ANGPT1: variants seen among roughly 807,000 people sequenced by gnomAD.
ANGPT1 encodes angiopoietin 1, also known as angiopoietin-1.
A neutral mutation model predicts 62.2 loss-of-function variants in ANGPT1; 17 were observed. The ratio of observed to expected loss-of-function variants is 0.27; its 90% CI spans 0.19 to 0.41. The LOEUF (loss-of-function observed/expected upper bound fraction) is 0.41, where lower values mean the gene tolerates loss of function less well. Ranked by LOEUF, ANGPT1 falls within the 10% of genes least tolerant of loss-of-function variation. The pLI is 1.00. For synonymous variants in ANGPT1, 199 were observed against 198.9 expected (o/e 1.00, Z 0.00); for missense variants, 478 against 594.9 (o/e 0.80, Z 2.04).
intron 1 of ANGPT1, among the ~76,000 whole-genome samples, chr8:107,441,562 G>C (rs1430649240): frequency 6.6e-6 from 1 of 152,178 alleles, no homozygotes; most frequent in Non-Finnish European, 1.5e-5. Flanking sequence ...CAGCTCAGGA[G>C]TCGGACAGAT....
At chr8:107,290,896 A>C (rs1240618739) in intron 6 of ANGPT1, among the ~76,000 whole-genome samples, 3 of 152,242 alleles carry the variant, frequency 2.0e-5, no homozygotes, top group Non-Finnish European at 4.4e-5. Context: ...ACATGAATTG[A>C]TTCCATACTT....
intron 1 of ANGPT1, among the ~76,000 whole-genome samples, chr8:107,474,608 T>A (rs1451552972): frequency 6.6e-6 from 1 of 152,072 alleles, no homozygotes; most frequent in Admixed American, 6.6e-5. Flanking sequence ...GAGAAAGAAA[T>A]AAAGGGTATT....
intron 1 of ANGPT1, among the ~76,000 whole-genome samples, chr8:107,487,384 G>A (rs1179009824): frequency 6.6e-6 from 1 of 152,082 alleles, no homozygotes; most frequent in Non-Finnish European, 1.5e-5. Context: ...CGTGCAGAAT[G>A]AGCAAAGTGG....
intron 1 of ANGPT1, among the ~76,000 whole-genome samples, chr8:107,476,483 G>A (rs1317027637): frequency 2.0e-5 from 3 of 152,206 alleles, no homozygotes; most frequent in Middle Eastern, 6.8e-3. Context: ...TATACCTAAT[G>A]TAAATGATGA....
chr8:107,403,023 A>C (rs923710272), intron 1 of ANGPT1, among the ~76,000 whole-genome samples: 1 of 152,190 alleles, frequency 6.6e-6, no homozygotes, highest in African/African-American at 2.4e-5. Flanking sequence ...TAACTTGATT[A>C]AAGTGGATCA....
intron 1 of ANGPT1, among the ~76,000 whole-genome samples, chr8:107,484,070 T>C (rs951222975): frequency 6.6e-6 from 1 of 152,160 alleles, no homozygotes; most frequent in Non-Finnish European, 1.5e-5. Context: ...TATGGATAGA[T>C]TCTCCAAAAA....
At chr8:107,257,896 T>TTTTTGACTG in intron 8 of ANGPT1, among the ~76,000 whole-genome samples, 1 of 102,224 alleles carries the variant, frequency 9.8e-6, no homozygotes, top group African/African-American at 3.4e-5. Flanking sequence ...TGTTTGTTTG[T>TTTTTGACTG]TTGTTTGTTT....
intron 1 of ANGPT1, among the ~76,000 whole-genome samples, chr8:107,463,002 T>A (rs1812110145): frequency 6.6e-6 from 1 of 152,154 alleles, no homozygotes. Context: ...ATTCACATAC[T>A]GTGTAATCCC....
intron 5 of ANGPT1, among the ~76,000 whole-genome samples, chr8:107,299,055 G>A (rs577500034): frequency 2.5e-4 from 38 of 151,614 alleles, no homozygotes; most frequent in South Asian, 1.2e-3. Context: ...TGAGAATGAG[G>A]TGGGTTATAA....
At chr8:107,408,016 G>A (rs1342654625) in intron 1 of ANGPT1, among the ~76,000 whole-genome samples, 1 of 152,112 alleles carries the variant, frequency 6.6e-6, no homozygotes, top group African/African-American at 2.4e-5. Context: ...GTAAGCACTG[G>A]CATATAGTCC....
chr8:107,493,608 C>A (rs527729883), intron 1 of ANGPT1, among the ~76,000 whole-genome samples: 1 of 150,306 alleles, frequency 6.7e-6, no homozygotes, highest in African/African-American at 2.5e-5. Context: ...GTGTATACCT[C>A]GAATAAAATG....
chr8:107,474,079 TC>T (rs1394492193), intron 1 of ANGPT1, among the ~76,000 whole-genome samples: 35 of 152,084 alleles, frequency 2.3e-4, no homozygotes, highest in African/African-American at 8.0e-4. Context: ...CCAAAGTAAC[TC>T]ATTTCATGAC....
At chr8:107,480,298 C>CT in intron 1 of ANGPT1, among the ~76,000 whole-genome samples, 1 of 152,112 alleles carries the variant, frequency 6.6e-6, no homozygotes, top group Non-Finnish European at 1.5e-5. Context: ...TGAACAGGAT[C>CT]TAGTTTGAGG....
intron 1 of ANGPT1, among the ~76,000 whole-genome samples, chr8:107,428,782 T>C (rs1048679542): frequency 6.6e-6 from 1 of 152,164 alleles, no homozygotes; most frequent in Non-Finnish European, 1.5e-5. Context: ...CCATTTGTTA[T>C]TTTGACCTCT....
At chr8:107,417,038 C>T (rs1810769890) in intron 1 of ANGPT1, among the ~76,000 whole-genome samples, 1 of 152,072 alleles carries the variant, frequency 6.6e-6, no homozygotes, top group African/African-American at 2.4e-5. Flanking sequence ...ATCCGCCCAC[C>T]TCAACCTCCC....
At chr8:107,428,403 C>A (rs947187492) in intron 1 of ANGPT1, among the ~76,000 whole-genome samples, 1 of 152,118 alleles carries the variant, frequency 6.6e-6, no homozygotes, top group African/African-American at 2.4e-5. Flanking sequence ...TTTAATGCAA[C>A]AATAGACTTT....
intron 7 of ANGPT1, among the ~76,000 whole-genome samples, chr8:107,271,871 G>T (rs1586175823): frequency 1.4e-5 from 2 of 146,612 alleles, no homozygotes; most frequent in Admixed American, 1.4e-4. Flanking sequence ...ATATTTGTTT[G>T]GTTTTCCTTT....
chr8:107,317,937 T>G (rs1405154762), intron 4 of ANGPT1, among the ~76,000 whole-genome samples: 1 of 152,168 alleles, frequency 6.6e-6, no homozygotes, highest in Non-Finnish European at 1.5e-5. Flanking sequence ...GGCCAACTAG[T>G]GGTTTTTTAA....
intron 1 of ANGPT1, among the ~76,000 whole-genome samples, chr8:107,437,619 T>C (rs1811365856): frequency 6.6e-6 from 1 of 152,196 alleles, no homozygotes; most frequent in African/African-American, 2.4e-5. Context: ...ACCTTTCTTT[T>C]GCTGCTTTTG....
Sources: gnomAD v4.1 joint callset for allele counts (sites outside exome capture counted in the v4.1 genomes callset) on GRCh38, gnomAD v4.1.1 for gene constraint, MANE v1.5 for transcripts, NCBI Gene and HGNC (gene_info 2026-07-23, HGNC 2026-07-21) for gene names.